Variants in COL25A1 observed in about 807,000 individuals in gnomAD.
COL25A1 encodes collagen type XXV alpha 1 chain.
In COL25A1, 103 loss-of-function variants were observed where a neutral mutation model predicts 128.4. The observed-to-expected ratio is 0.80, with a 90% CI of 0.68 to 0.94. COL25A1 has a LOEUF of 0.94. Among genes scored for constraint, COL25A1 ranks in the 40% least tolerant of loss-of-function variants. The probability of loss-of-function intolerance (pLI) is 0.00; values close to 1 mark genes in which losing one functional copy is unlikely to be tolerated. For synonymous variants in COL25A1, 279 were observed against 277.2 expected (o/e 1.01, Z -0.06); for missense variants, 745 against 840.0 (o/e 0.89, Z 1.40).
At chr4:108,984,921 G>A (rs953732603) in intron 6 of COL25A1, among the ~76,000 whole-genome samples, 1 of 152,218 alleles carries the variant, frequency 6.6e-6, no homozygotes, top group Non-Finnish European at 1.5e-5. Flanking sequence ...CTCTCAGTAT[G>A]TAGAGCAATA....
intron 5 of COL25A1, among the ~76,000 whole-genome samples, chr4:109,037,069 A>G (rs1288527261): frequency 6.6e-6 from 1 of 152,246 alleles, no homozygotes; most frequent in East Asian, 1.9e-4. Flanking sequence ...TCTGGGCAGC[A>G]CAAAGCTCTT....
At chr4:109,063,394 T>G (rs1295264703) in intron 3 of COL25A1, among the ~76,000 whole-genome samples, 1 of 151,332 alleles carries the variant, frequency 6.6e-6, no homozygotes, top group Non-Finnish European at 1.5e-5. Context: ...TCTCAGCTAC[T>G]CAGGAGGCTG....
At chr4:109,151,484 T>C (rs1259566797) in intron 3 of COL25A1, among the ~76,000 whole-genome samples, 6 of 152,130 alleles carry the variant, frequency 3.9e-5, no homozygotes, top group Non-Finnish European at 8.8e-5. Context: ...AAATGATCTA[T>C]GTAAGGCATA....
At chr4:108,863,922 G>A (rs927913211) in intron 20 of COL25A1, among the ~76,000 whole-genome samples, 3 of 152,042 alleles carry the variant, frequency 2.0e-5, no homozygotes, top group African/African-American at 7.2e-5. Context: ...TGCCTCCCTG[G>A]ACCTGAGGCC....
At position 109,200,041 on chromosome 4, in the gene COL25A1, C is replaced by T. The variant is rs79783128; in HGVS notation, c.367+100542G>A. 0.011 allele frequency among the ~76,000 whole-genome samples: 1,637 copies of T among 152,330 alleles called. 60 individuals are homozygous for T. The South Asian group carries it at 0.14, about 13-fold the overall frequency. ...TAAACTAACTGACACACACCTTCTACATTAAAGTATAAAGCTTTGTAAGAG... is the reference window on the plus strand; with the variant it reads ...TAAACTAACTGACACACACCTTCTATATTAAAGTATAAAGCTTTGTAAGAG... On this transcript the variant is annotated intron_variant, in intron 3 of 37. Transcript: ENST00000399132.
chr4:108,860,775 T>C lies in COL25A1; in HGVS notation c.1242+152A>G, dbSNP rs985127025. ...CTCCTGGTGAGGAAAATAAAGGAGGTAGGGGTGTTTCAGGAATAATTACAG... is the reference window on the plus strand; with the variant it reads ...CTCCTGGTGAGGAAAATAAAGGAGGCAGGGGTGTTTCAGGAATAATTACAG... On this transcript the variant is annotated intron_variant, in intron 23 of 37. Transcript: ENST00000399132. 3 of 654,858 alleles carry C rather than the reference T, an allele frequency of 4.6e-6. No homozygotes were observed. In the African/African-American group the frequency reaches 5.5e-5, roughly 12 times the overall value. 40.6% of individuals were successfully genotyped at this position (654,858 alleles called of 1,614,324 possible). A position where few individuals can be genotyped will look rare whatever the true frequency, so the allele number is the denominator to read the frequency against.
intron 3 of COL25A1, among the ~76,000 whole-genome samples, chr4:109,102,183 C>A (rs1314446093): frequency 6.6e-6 from 1 of 152,036 alleles, no homozygotes; most frequent in Admixed American, 6.5e-5. Flanking sequence ...CATGCATGCA[C>A]ATGTATTTTA....
intron 11 of COL25A1, among the ~76,000 whole-genome samples, chr4:108,927,232 T>C (rs1746172543): frequency 6.6e-6 from 1 of 152,186 alleles, no homozygotes; most frequent in Admixed American, 6.5e-5. Context: ...TTTTTTTCCT[T>C]TGTGTTTCTT....
At chr4:109,074,399 C>A (rs769385487) in intron 3 of COL25A1, among the ~76,000 whole-genome samples, 2 of 152,176 alleles carry the variant, frequency 1.3e-5, no homozygotes, top group Non-Finnish European at 2.9e-5. Context: ...CTAGTCCCCC[C>A]ACCTGAGAGT....
chr4:109,053,685 T>A (rs1761182930), intron 3 of COL25A1, among the ~76,000 whole-genome samples: 1 of 152,244 alleles, frequency 6.6e-6, no homozygotes, highest in African/African-American at 2.4e-5. Context: ...TCTTTCTTGA[T>A]ACTCCAAGAA....
intron 3 of COL25A1, among the ~76,000 whole-genome samples, chr4:109,117,301 G>A (rs1767689867): frequency 6.6e-6 from 1 of 151,930 alleles, no homozygotes; most frequent in African/African-American, 2.4e-5. Flanking sequence ...AATAGAATAA[G>A]AATTACGTCC....
In COL25A1 at chr4:108,875,786, A is replaced by G. The variant is rs56975335; in HGVS notation, c.1021-6636T>C. Among the ~76,000 whole-genome samples, 1,163 of 152,310 alleles carry G rather than the reference A, an allele frequency of 7.6e-3. 10 individuals are homozygous for G. The highest frequency in any genetic ancestry group is 0.026 in the African/African-American group (1,087 of 41,554). On this transcript the variant is annotated intron_variant, in intron 19 of 37. Coordinates refer to ENST00000399132, the MANE Select transcript of COL25A1 (RefSeq NM_198721.4). Reference sequence around the variant, plus strand: ...ACATATGTTTATTGTGGCACTATTCACAATAGCAAAGACTTGGAACCAACC... The same window carrying G: ...ACATATGTTTATTGTGGCACTATTCGCAATAGCAAAGACTTGGAACCAACC...
chr4:109,261,993 G>A (rs113122577), intron 3 of COL25A1, among the ~76,000 whole-genome samples: 5,428 of 151,474 alleles, frequency 0.036, 322 homozygotes, highest in African/African-American at 0.12. Context: ...CACCGCGCCC[G>A]GCTGATATAC....
intron 3 of COL25A1, among the ~76,000 whole-genome samples, chr4:109,108,320 G>A (rs1766654959): frequency 6.6e-6 from 1 of 151,938 alleles, no homozygotes; most frequent in Non-Finnish European, 1.5e-5. Context: ...TGAGAATGAT[G>A]GTTTCCAGCT....
At chr4:109,027,355 G>A (rs2194860) in intron 5 of COL25A1, among the ~76,000 whole-genome samples, 52,663 of 151,940 alleles carry the variant, frequency 0.35, 12,666 homozygotes, top group East Asian at 0.64. Context: ...TGTGCTTAGC[G>A]TGTCCAGCAA....
intron 34 of COL25A1, among the ~76,000 whole-genome samples, chr4:108,824,574 A>G (rs1732149590): frequency 6.6e-6 from 1 of 152,220 alleles, no homozygotes; most frequent in South Asian, 2.1e-4. Flanking sequence ...GGTTAATGAT[A>G]TCTACCAGAC....
intron 5 of COL25A1, among the ~76,000 whole-genome samples, chr4:109,035,475 T>C (rs1319478584): frequency 6.6e-6 from 1 of 152,234 alleles, no homozygotes; most frequent in Admixed American, 6.5e-5. Flanking sequence ...AAAAACTTTC[T>C]ATTTAAATTT....
At chr4:109,190,141 G>A (rs533136793) in intron 3 of COL25A1, among the ~76,000 whole-genome samples, 4 of 151,994 alleles carry the variant, frequency 2.6e-5, no homozygotes, top group East Asian at 3.9e-4. Flanking sequence ...AATGAGAGAA[G>A]ATAATATGTT....
At chr4:109,278,341 G>A (rs561481168) in intron 3 of COL25A1, among the ~76,000 whole-genome samples, 1 of 152,254 alleles carries the variant, frequency 6.6e-6, no homozygotes, top group South Asian at 2.1e-4. Context: ...TTTCTTATAT[G>A]TTGAAATGGT....
Sources: gnomAD v4.1 joint callset for allele counts (sites outside exome capture counted in the v4.1 genomes callset) on GRCh38, gnomAD v4.1.1 for gene constraint, MANE v1.5 for transcripts, NCBI Gene and HGNC (gene_info 2026-07-23, HGNC 2026-07-21) for gene names.